CFHR4: variants seen among roughly 807,000 people sequenced by gnomAD.
The protein encoded by CFHR4 is complement factor H related 4.
A neutral mutation model predicts 69.3 loss-of-function variants in CFHR4; 64 were observed. That is an observed-to-expected ratio of 0.92 (90% confidence interval 0.76 to 1.14). The LOEUF (loss-of-function observed/expected upper bound fraction) is 1.14, where lower values mean the gene tolerates loss of function less well. Ranked by LOEUF, CFHR4 falls within the 50% of genes most tolerant of loss-of-function variation. The pLI, the probability that CFHR4 is intolerant of heterozygous loss-of-function variation, is 0.00. For synonymous variants in CFHR4, 244 were observed against 237.0 expected (o/e 1.03, Z -0.27); for missense variants, 636 against 684.9 (o/e 0.93, Z 0.80).
At chr1:196,904,610 A>G (rs1187017878) in intron 2 of CFHR4, among the ~76,000 whole-genome samples, 1 of 151,488 alleles carries the variant, frequency 6.6e-6, no homozygotes, top group Admixed American at 6.6e-5. Flanking sequence ...ATTTCTCTCA[A>G]ACACCATGGC....
chr1:196,905,474 G>A (rs1309901274), intron 3 of CFHR4, among the ~76,000 whole-genome samples, 184 bp downstream of exon 3: 1 of 151,416 alleles, frequency 6.6e-6, no homozygotes, highest in Non-Finnish European at 1.5e-5. Flanking sequence ...ATGGCTACTT[G>A]GGAAGATGAT....
chr1:196,889,153 G>T (rs1656887151), intron 1 of CFHR4, among the ~76,000 whole-genome samples: 1 of 151,436 alleles, frequency 6.6e-6, no homozygotes, highest in African/African-American at 2.4e-5. Context: ...CAATTATTGA[G>T]AGTATCTTTT....
chr1:196,896,595 A>G (rs958469637), intron 1 of CFHR4, among the ~76,000 whole-genome samples: 1 of 151,676 alleles, frequency 6.6e-6, no homozygotes, highest in Non-Finnish European at 1.5e-5. Context: ...AGGTTGCTCC[A>G]TAAATACACA....
intron 1 of CFHR4, among the ~76,000 whole-genome samples, chr1:196,897,200 G>T (rs955400630): frequency 6.6e-6 from 1 of 151,616 alleles, no homozygotes; most frequent in African/African-American, 2.4e-5. Flanking sequence ...TGCGAGAGGG[G>T]TGTTATCTGC....
In CFHR4 at chr1:196,905,395, A is replaced by C. The variant is rs892434544; in HGVS notation, c.439+105A>C. 1.3e-4 allele frequency: 193 copies of C among 1,469,124 alleles called. 3 individuals are homozygous for C. The highest frequency in any genetic ancestry group is 1.7e-4 in the Non-Finnish European group (189 of 1,082,212). The allele number at this position is 1,469,124 out of a possible 1,614,324, so 91.0% of individuals were successfully genotyped here. A position where few individuals can be genotyped will look rare whatever the true frequency, so the allele number is the denominator to read the frequency against. Reference sequence around the variant, plus strand: ...ATAGAAAACACTTTTAGGAGTAAAGAGATATAAATACTTCTAACATCATCT... The same window carrying C: ...ATAGAAAACACTTTTAGGAGTAAAGCGATATAAATACTTCTAACATCATCT... On this transcript the variant is annotated intron_variant, in intron 3 of 9. Coordinates refer to ENST00000608469, the MANE Select transcript of CFHR4 (RefSeq NM_001201550.3).
At chr1:196,911,613 C>T (rs1658272906) in intron 6 of CFHR4, among the ~76,000 whole-genome samples, 1 of 151,388 alleles carries the variant, frequency 6.6e-6, no homozygotes, top group Non-Finnish European at 1.5e-5. Flanking sequence ...ATTTACCAAA[C>T]ATTCCATTAT....
intron 5 of CFHR4, among the ~76,000 whole-genome samples, chr1:196,908,445 A>C (rs564883122): frequency 7.9e-5 from 12 of 151,518 alleles, no homozygotes; most frequent in South Asian, 6.2e-4. Context: ...TTCTAGCAAG[A>C]AAGAAAGAAA....
chr1:196,897,264 A>G (rs1173748466), intron 1 of CFHR4, among the ~76,000 whole-genome samples: 4 of 151,708 alleles, frequency 2.6e-5, no homozygotes, highest in African/African-American at 9.7e-5. Context: ...GGGCAGGTGC[A>G]GAGGCCGGCA....
In CFHR4 at chr1:196,916,765, C is replaced by G. The variant is rs182261320; in HGVS notation, c.1541-1445C>G. On this transcript the variant is annotated intron_variant, in intron 9 of 9. Transcript: ENST00000608469. ...ATGGGTTTCACAGCAAAAGCATTAC[C>G]TCTTCTCACAATCAAGAACAGGAAA... is the stretch of plus-strand genomic sequence containing the variant. 3.2e-3 allele frequency among the ~76,000 whole-genome samples: 491 copies of G among 151,532 alleles called. 16 individuals carry two copies. Among genetic ancestry groups the G allele is most frequent in the African/African-American group, 0.011 (459 of 41,128 alleles).
intron 1 of CFHR4, among the ~76,000 whole-genome samples, chr1:196,897,829 G>A (rs1166934748): frequency 6.6e-6 from 1 of 151,490 alleles, no homozygotes; most frequent in African/African-American, 2.4e-5. Context: ...CAGGAAAACA[G>A]ACATGCCTGT....
rs192123548 is a variant in CFHR4 at position 196,915,681 on chromosome 1, G to A, written c.1540+543G>A. Among the ~76,000 whole-genome samples the A allele has an allele frequency of 1.6e-3, 237 of 151,128 alleles. 2 individuals carry two copies. The highest frequency in any genetic ancestry group is 5.3e-3 in the African/African-American group (219 of 41,136). ...TAAAAAATAAATAAATAAAACAGAA[G>A]AAGAAGAAAAGAAAAAGAGAAAAAG... On this transcript the variant is annotated intron_variant, in intron 9 of 9. Transcript: ENST00000608469.
chr1:196,904,435 T>G (rs1019454051), intron 2 of CFHR4, among the ~76,000 whole-genome samples: 1 of 151,554 alleles, frequency 6.6e-6, no homozygotes, highest in African/African-American at 2.4e-5. Context: ...ACATTATTAA[T>G]AAGTTAGAAC....
intron 5 of CFHR4, 109 bp from the exon 6 acceptor site, chr1:196,910,172 A>C: frequency 1.8e-6 from 1 of 567,052 alleles, no homozygotes; most frequent in African/African-American, 2.2e-5. Flanking sequence ...AAAAGTAAAG[A>C]AAAAAAAAAA....
Position 196,893,213 on chromosome 1 carries a change from A to T in CFHR4, c.58+5005A>T, listed in dbSNP as rs969529555. Among the ~76,000 whole-genome samples, 45 of 151,884 alleles carry T rather than the reference A, an allele frequency of 3.0e-4. 2 individuals are homozygous for T. Among genetic ancestry groups the T allele is most frequent in the African/African-American group, 1.1e-3 (45 of 41,314 alleles). Reference sequence around the variant, plus strand: ...TTAAAGAAATTGTAGCGTAAGAAGCATGCAAAAAGATAGAGTTATAGCGTT... The same window carrying T: ...TTAAAGAAATTGTAGCGTAAGAAGCTTGCAAAAAGATAGAGTTATAGCGTT... On this transcript the variant is annotated intron_variant, in intron 1 of 9. Transcript: ENST00000608469.
rs749596407 is a variant in CFHR4, at chr1:196,912,761, T to G, written c.1019T>G (p.Ile340Arg). The change falls in exon 7 of 10, where the codon ATA becomes AGA. Residue 340 changes from isoleucine to arginine, a missense_variant. Around this residue, in one of 3 missense-constraint regions of CFHR4, gnomAD observed 529 missense variants for 533.2 expected, o/e 0.99. Transcript: ENST00000608469. ...PCLRTCSKSD[I>R]EIENGFISES... ...TTAGGAACATGCTCAAAATCAGATATAGAAATTGAAAATGGATTCATTTCT... is the reference window on the plus strand; with the variant it reads ...TTAGGAACATGCTCAAAATCAGATAGAGAAATTGAAAATGGATTCATTTCT... 6.3e-7 allele frequency: 1 copy of G among 1,595,772 alleles called. No homozygotes were observed.
In CFHR4 at chr1:196,918,611, A is replaced by G. The variant is rs1016837362; in HGVS notation, c.*205A>G. Reference sequence around the variant, plus strand: ...TATTGCTTATGCTTGTACTAAAATAATAAAAACTACCCTTATATTGGACTT... The same window carrying G: ...TATTGCTTATGCTTGTACTAAAATAGTAAAAACTACCCTTATATTGGACTT... On this transcript the variant is annotated 3_prime_UTR_variant, in exon 10 of 10. Coordinates refer to ENST00000608469, the MANE Select transcript of CFHR4 (RefSeq NM_001201550.3). The G allele has an allele frequency of 2.3e-5, 12 of 520,278 alleles. No homozygotes were observed. The African/African-American group carries it at 2.3e-4, about 10-fold the overall frequency. 32.2% of individuals were successfully genotyped at this position (520,278 alleles called of 1,614,324 possible).
At chr1:196,903,057 AATT>A (rs1657708596) in intron 2 of CFHR4, among the ~76,000 whole-genome samples, 1 of 151,368 alleles carries the variant, frequency 6.6e-6, no homozygotes, top group African/African-American at 2.4e-5. Flanking sequence ...ATGTATTTTC[AATT>A]ATTTGGAGAA....
At chr1:196,914,733 G>C in intron 8 of CFHR4, 62 bp downstream of exon 8, 1 of 1,436,366 alleles carries the variant, frequency 7.0e-7, no homozygotes, top group Non-Finnish European at 9.3e-7. Context: ...ACCTACATAT[G>C]TATATGTACA....
chr1:196,914,457 G>A (rs773194186), intron 7 of CFHR4, 38 bp from the exon 8 acceptor site: 9 of 1,584,778 alleles, frequency 5.7e-6, no homozygotes, highest in Admixed American at 1.7e-5. Context: ...TGCATCGTAT[G>A]GCATAGAAAA....
Sources: gnomAD v4.1 joint callset for allele counts (sites outside exome capture counted in the v4.1 genomes callset) on GRCh38, gnomAD v4.1.1 for gene constraint, gnomAD v4.1.1 regional missense constraint, MANE v1.5 for transcripts, NCBI Gene and HGNC (gene_info 2026-07-23, HGNC 2026-07-21) for gene names.